Variants in MTSS1 observed in about 807,000 individuals in gnomAD.
The protein encoded by MTSS1 is MTSS I-BAR domain containing 1, also known as protein MTSS 1.
A neutral mutation model predicts 79.0 loss-of-function variants in MTSS1; 18 were observed. The observed-to-expected ratio is 0.23, with a 90% CI of 0.16 to 0.34. The LOEUF (loss-of-function observed/expected upper bound fraction) is 0.34, where lower values mean the gene tolerates loss of function less well. Among genes scored for constraint, MTSS1 ranks in the 10% least tolerant of loss-of-function variants. The pLI, the probability that MTSS1 is intolerant of heterozygous loss-of-function variation, is 1.00. For synonymous variants in MTSS1, 341 were observed against 368.6 expected (o/e 0.93, Z 0.86); for missense variants, 815 against 986.2 (o/e 0.83, Z 2.33).
At position 124,616,163 on chromosome 8, in the gene MTSS1, C is replaced by G. The variant is rs542765133; in HGVS notation, c.209-24928G>C. Among the ~76,000 whole-genome samples the G allele has an allele frequency of 3.3e-5, 5 of 152,318 alleles. No homozygotes were observed. The South Asian group carries it at 8.3e-4, about 25-fold the overall frequency. ...CATTCAACATGAACATGCAAACGCT[C>G]TGCTGTGATGTCAGAAGAGGCCTAA... is the stretch of plus-strand genomic sequence containing the variant. On this transcript the variant is annotated intron_variant, in intron 3 of 13. Transcript: ENST00000518547.
At chr8:124,580,488 G>A (rs1829834975) in intron 6 of MTSS1, 6 of 1,525,810 alleles carry the variant, frequency 3.9e-6, no homozygotes, top group East Asian at 2.4e-5. Context: ...GGACAACCAC[G>A]GAAAGCCCAC....
intron 3 of MTSS1, among the ~76,000 whole-genome samples, chr8:124,608,178 A>C (rs891725954): frequency 6.6e-6 from 1 of 151,904 alleles, no homozygotes; most frequent in Non-Finnish European, 1.5e-5. Flanking sequence ...TAGATAACTC[A>C]AGCCACTCTG....
rs1243477863 is a variant in MTSS1, at chr8:124,556,469, C to G, written c.1231-64G>C. ...CCTCCACTGGAGGGCTGCGGGGACC[C>G]CATAGACAGCTCCCCAGAGAAGGCA... On this transcript the variant is annotated intron_variant, in intron 11 of 13. Transcript: ENST00000518547. 3 of 1,491,928 alleles carry G rather than the reference C, an allele frequency of 2.0e-6. No individual in the cohort carries two copies. The Admixed American group carries it at 6.7e-5, about 33-fold the overall frequency. 92.4% of individuals were successfully genotyped at this position (1,491,928 alleles called of 1,614,324 possible). A position where few individuals can be genotyped will look rare whatever the true frequency, so the allele number is the denominator to read the frequency against.
chr8:124,624,707 C>T (rs1036791525), intron 3 of MTSS1, among the ~76,000 whole-genome samples: 6 of 152,180 alleles, frequency 3.9e-5, no homozygotes, highest in African/African-American at 7.2e-5. Context: ...ACGTTGATGG[C>T]GCTGAAATAA....
chr8:124,659,476 T>C (rs947071674), intron 3 of MTSS1, among the ~76,000 whole-genome samples: 2 of 152,190 alleles, frequency 1.3e-5, no homozygotes, highest in Non-Finnish European at 2.9e-5. Context: ...AACACATGAA[T>C]GGCCACTCTA....
chr8:124,725,513 T>C (rs1833569760), intron 1 of MTSS1, among the ~76,000 whole-genome samples: 1 of 152,192 alleles, frequency 6.6e-6, no homozygotes, highest in Non-Finnish European at 1.5e-5. Context: ...AAAATTTTTA[T>C]CAAGATGGCA....
chr8:124,713,633 A>C (rs1054488176), intron 1 of MTSS1, among the ~76,000 whole-genome samples: 12 of 152,126 alleles, frequency 7.9e-5, no homozygotes, highest in Admixed American at 3.9e-4. Flanking sequence ...CATGTTGGCC[A>C]GGCTGGTTTC....
chr8:124,592,343 G>A (rs961192683), intron 3 of MTSS1, among the ~76,000 whole-genome samples: 1 of 152,130 alleles, frequency 6.6e-6, no homozygotes, highest in African/African-American at 2.4e-5. Context: ...GAACACTGGA[G>A]GGCACAATTA....
intron 10 of MTSS1, 33 bp downstream of exon 10, chr8:124,562,749 G>A (rs1309282444): frequency 6.3e-7 from 1 of 1,593,618 alleles, no homozygotes; most frequent in African/African-American, 1.3e-5. Context: ...CACCAGGTGT[G>A]ACAGCTGCTC....
chr8:124,669,232 A>C (rs1158201458), intron 3 of MTSS1, among the ~76,000 whole-genome samples: 2 of 152,190 alleles, frequency 1.3e-5, no homozygotes, highest in Admixed American at 1.3e-4. Flanking sequence ...ATAAATAATT[A>C]CTCATTTTCT....
At chr8:124,581,845 T>C (rs1017715968) in intron 6 of MTSS1, among the ~76,000 whole-genome samples, 3 of 152,104 alleles carry the variant, frequency 2.0e-5, no homozygotes, top group Non-Finnish European at 4.4e-5. Flanking sequence ...CACACGTAGG[T>C]AAATACAATG....
intron 3 of MTSS1, among the ~76,000 whole-genome samples, chr8:124,677,945 A>C (rs1186966692): frequency 3.3e-5 from 5 of 152,234 alleles, no homozygotes; most frequent in Non-Finnish European, 5.9e-5. Context: ...CTATTTTCTG[A>C]ATCAAATCAG....
At position 124,558,698 on chromosome 8, in the gene MTSS1, C is replaced by G. The variant is rs1302532403; in HGVS notation, c.1036-823G>C. The G allele has an allele frequency of 2.0e-6, 3 of 1,528,962 alleles. No individual in the cohort carries two copies. The East Asian group carries it at 7.3e-5, about 37-fold the overall frequency. The allele number at this position is 1,528,962 out of a possible 1,614,324, so 94.7% of individuals were successfully genotyped here. Reference sequence around the variant, plus strand: ...GGGAGAGTGGGGCCGCTGTGGCTGCCACCCGGGCGGTCACCTTCTCTGTGG... The same window carrying G: ...GGGAGAGTGGGGCCGCTGTGGCTGCGACCCGGGCGGTCACCTTCTCTGTGG... On this transcript the variant is annotated intron_variant, in intron 10 of 13. Transcript: ENST00000518547.
At chr8:124,679,925 C>G (rs1019506965) in intron 3 of MTSS1, among the ~76,000 whole-genome samples, 12 of 152,200 alleles carry the variant, frequency 7.9e-5, no homozygotes, top group Non-Finnish European at 1.8e-4. Context: ...TTCTCATGTA[C>G]CCACTATTTT....
At position 124,555,907 on chromosome 8, in the gene MTSS1, G is replaced by A; in HGVS notation, c.1405-3C>T. On this transcript the variant is annotated splice_region_variant and splice_polypyrimidine_tract_variant and intron_variant, in intron 12 of 13. Coordinates refer to ENST00000518547, the MANE Select transcript of MTSS1 (RefSeq NM_014751.6). ...CAAGCCTCCATCTCCTCACCAGGCT[G>A]CAGGTTGGAGGAGAGAAATACACAG... is the stretch of plus-strand genomic sequence containing the variant. 6.2e-7 allele frequency: 1 copy of A among 1,604,998 alleles called. No homozygotes were observed. Among genetic ancestry groups the A allele is most frequent in the East Asian group, 2.2e-5 (1 of 44,856 alleles).
At chr8:124,680,249 C>A (rs1025922273) in intron 3 of MTSS1, among the ~76,000 whole-genome samples, 47 of 152,228 alleles carry the variant, frequency 3.1e-4, no homozygotes, top group African/African-American at 1.1e-3. Context: ...AGCAGGACAA[C>A]TCAATCGCAG....
rs568926971 is a variant in MTSS1, at chr8:124,671,381, T to A, written c.208+28145A>T. On this transcript the variant is annotated intron_variant, in intron 3 of 13. Coordinates refer to ENST00000518547, the MANE Select transcript of MTSS1 (RefSeq NM_014751.6). ...ACCATACCTCGAATGATGGGGCCCC[T>A]CTTGCTAGACTGTCCTCCCTCTTTC... Among the ~76,000 whole-genome samples, 5 of 152,174 alleles carry A rather than the reference T, an allele frequency of 3.3e-5. No individual in the cohort carries two copies. In the South Asian group the frequency reaches 1.0e-3, roughly 32 times the overall value.
At chr8:124,624,199 C>A (rs1008678391) in intron 3 of MTSS1, among the ~76,000 whole-genome samples, 1 of 152,222 alleles carries the variant, frequency 6.6e-6, no homozygotes, top group East Asian at 1.9e-4. Context: ...CAGCCCCCGT[C>A]CTCAATGAGT....
intron 3 of MTSS1, among the ~76,000 whole-genome samples, chr8:124,676,523 G>A (rs1179388860): frequency 6.6e-6 from 1 of 152,224 alleles, no homozygotes; most frequent in Non-Finnish European, 1.5e-5. Flanking sequence ...CCAGCCTTCT[G>A]CTGCTCTGCT....
Sources: allele counts gnomAD v4.1 joint callset (sites outside exome capture counted in the v4.1 genomes callset), GRCh38; gene constraint gnomAD v4.1.1; transcripts MANE v1.5; gene names NCBI Gene and HGNC (gene_info 2026-07-23, HGNC 2026-07-21).